MAP1B: variants seen among roughly 807,000 people sequenced by gnomAD.
MAP1B encodes the protein microtubule associated protein 1B.
MAP1B carries 12 observed loss-of-function variants against 176.1 expected under a neutral mutation model. The ratio of observed to expected loss-of-function variants is 0.07; its 90% CI spans 0.04 to 0.11. The LOEUF (loss-of-function observed/expected upper bound fraction) is 0.11, where lower values mean the gene tolerates loss of function less well. MAP1B is among the 10% of genes least tolerant of loss of function. The probability of loss-of-function intolerance (pLI) is 1.00; values close to 1 mark genes in which losing one functional copy is unlikely to be tolerated. For synonymous variants in MAP1B, 1,044 were observed against 1,135.0 expected (o/e 0.92, Z 1.61); for missense variants, 2,523 against 2,990.5 (o/e 0.84, Z 3.65).
chr5:72,108,743 G>A lies in MAP1B; in HGVS notation c.184+1028G>A, dbSNP rs1392860092. ...CTGGCTGGGCTTGCGCTCCGCCCGGGCCTCGGGCTGGCGGGGGCCGCGCGC... is the reference window on the plus strand; with the variant it reads ...CTGGCTGGGCTTGCGCTCCGCCCGGACCTCGGGCTGGCGGGGGCCGCGCGC... On this transcript the variant is annotated intron_variant, in intron 1 of 6. Transcript: ENST00000296755. Among the ~76,000 whole-genome samples, 4 of 152,196 alleles carry A rather than the reference G, an allele frequency of 2.6e-5. 1 individual carries two copies. The highest frequency in any genetic ancestry group is 6.5e-5 in the Admixed American group (1 of 15,292).
chr5:72,137,194 C>G (rs1034306668), intron 2 of MAP1B, among the ~76,000 whole-genome samples: 1 of 152,170 alleles, frequency 6.6e-6, no homozygotes, highest in Admixed American at 6.5e-5. Context: ...GCATGTCAGA[C>G]CATTTGCTGA....
chr5:72,185,642 T>C (rs1746881437), intron 3 of MAP1B, among the ~76,000 whole-genome samples: 1 of 150,948 alleles, frequency 6.6e-6, no homozygotes, highest in Non-Finnish European at 1.5e-5. Flanking sequence ...AATTAATATA[T>C]GTCCAGGCAA....
chr5:72,130,879 T>G (rs1745719315), intron 2 of MAP1B, among the ~76,000 whole-genome samples: 1 of 152,330 alleles, frequency 6.6e-6, no homozygotes, highest in East Asian at 1.9e-4. Context: ...AAAAAATAGT[T>G]TACATATAAA....
intron 2 of MAP1B, among the ~76,000 whole-genome samples, chr5:72,140,345 C>T (rs1745924202): frequency 6.6e-6 from 1 of 152,162 alleles, no homozygotes; most frequent in African/African-American, 2.4e-5. Context: ...AAAAGTTTAA[C>T]AAAACAATGC....
At chr5:72,148,751 C>T (rs1746090671) in intron 2 of MAP1B, among the ~76,000 whole-genome samples, 1 of 152,244 alleles carries the variant, frequency 6.6e-6, no homozygotes, top group African/African-American at 2.4e-5. Flanking sequence ...CTCTTTAATG[C>T]TCTTCGAAAT....
intron 1 of MAP1B, among the ~76,000 whole-genome samples, chr5:72,110,154 A>G (rs1168281577): frequency 6.6e-6 from 1 of 152,214 alleles, no homozygotes; most frequent in Non-Finnish European, 1.5e-5. Flanking sequence ...TTTTCACAAA[A>G]CGGACACGCC....
intron 2 of MAP1B, among the ~76,000 whole-genome samples, chr5:72,142,924 A>C (rs561354781): frequency 5.3e-5 from 8 of 152,184 alleles, no homozygotes; most frequent in African/African-American, 1.9e-4. Context: ...AAGTCAAGAT[A>C]TAATCATTCT....
In MAP1B at chr5:72,199,877, C is replaced by T. The variant is rs557929033; in HGVS notation, c.6522C>T (p.Ala2174=). Residue 2174 remains alanine, a synonymous_variant, in exon 5 of 7, where the codon GCC becomes GCT. Transcript: ENST00000296755. This position sits in a 1 kb window ranked among gnomAD's most constrained non-coding sequence, Gnocchi z 4.2. ...PETEECPSIT[A]DANIDSEDES... is the part of the protein sequence containing the mutation. ...CTGAAGAGTGCCCCTCCATCACGGC[C>T]GATGCCAATATCGACTCTGAAGACG... 8.1e-6 allele frequency: 13 copies of T among 1,614,152 alleles called. No homozygotes were observed. In the South Asian group the frequency reaches 9.9e-5, roughly 12 times the overall value.
At chr5:72,145,795 A>G (rs1746034487) in intron 2 of MAP1B, among the ~76,000 whole-genome samples, 1 of 152,188 alleles carries the variant, frequency 6.6e-6, no homozygotes, top group Non-Finnish European at 1.5e-5. Flanking sequence ...CTTGCTCTAG[A>G]TCTCAGTTTA....
At chr5:72,111,781 AGTT>A (rs1261960122) in intron 1 of MAP1B, among the ~76,000 whole-genome samples, 2 of 152,180 alleles carry the variant, frequency 1.3e-5, no homozygotes, top group Non-Finnish European at 2.9e-5. Flanking sequence ...TAAAAAAATA[AGTT>A]ATAACTTTTT....
chr5:72,182,667 G>T (rs1212595005), intron 2 of MAP1B, among the ~76,000 whole-genome samples: 3 of 152,160 alleles, frequency 2.0e-5, no homozygotes, highest in African/African-American at 7.2e-5. Context: ...GTTGCTTTTG[G>T]TCATTCTCTC....
chr5:72,178,823 T>G (rs1448337100), intron 2 of MAP1B, among the ~76,000 whole-genome samples: 1 of 144,106 alleles, frequency 6.9e-6, no homozygotes, highest in Non-Finnish European at 1.5e-5. Context: ...TCCTAGAAAT[T>G]TACATACATA....
chr5:72,194,006 T>C lies in MAP1B; in HGVS notation c.651T>C (p.Ala217=). 5 of 1,614,204 alleles carry C rather than the reference T, an allele frequency of 3.1e-6. No homozygotes were observed. The highest frequency in any genetic ancestry group is 4.2e-6 in the Non-Finnish European group (5 of 1,180,042). Residue 217 remains alanine, a synonymous_variant, in exon 5 of 7, where the codon GCT becomes GCC. Transcript: ENST00000296755. This position sits in a 1 kb window ranked among gnomAD's most constrained non-coding sequence, Gnocchi z 7.2. ...TCATCAATATTAAACTCAATTCAGCTTCTATCTTGCCAGAAATGGAAGGAC... is the reference window on the plus strand; with the variant it reads ...TCATCAATATTAAACTCAATTCAGCCTCTATCTTGCCAGAAATGGAAGGAC... The part of the protein sequence containing the change: ...QDFINIKLNS[A]SILPEMEGLS...
chr5:72,177,211 T>C (rs1482542591), intron 2 of MAP1B, among the ~76,000 whole-genome samples: 2 of 152,194 alleles, frequency 1.3e-5, no homozygotes. Context: ...TCTGTTAGGC[T>C]GGGTTGCCTC....
rs755762844 is a variant in MAP1B, at chr5:72,198,315, CCTG to C, written c.4961_4963del (p.Pro1654_Glu1655delinsGln). 3.7e-6 allele frequency: 6 copies of C among 1,614,084 alleles called. No individual in the cohort carries two copies. The South Asian group carries it at 6.6e-5, about 18-fold the overall frequency. On this transcript the variant is annotated inframe_deletion, in exon 5 of 7. Coordinates refer to ENST00000296755, the MANE Select transcript of MAP1B (RefSeq NM_005909.5). ...GTCTATTGAATTTGGCCAAGAATCT[CCTG>C]AGCAATCCCTTGCTATGGACTTCAG...
At chr5:72,183,472 G>T (rs577767691) in intron 2 of MAP1B, among the ~76,000 whole-genome samples, 1 of 152,240 alleles carries the variant, frequency 6.6e-6, no homozygotes, top group East Asian at 1.9e-4. Context: ...ATTACCGCAA[G>T]GAGGCTGCCT....
chr5:72,151,552 A>G (rs991602578), intron 2 of MAP1B, among the ~76,000 whole-genome samples: 1 of 152,250 alleles, frequency 6.6e-6, no homozygotes. Flanking sequence ...ATGGTCAAAG[A>G]TGAACAAGGA....
Position 72,203,711 on chromosome 5 carries a change from G to A in MAP1B, c.7161G>A (p.Val2387=). 1 of 1,613,984 alleles carries A rather than the reference G, an allele frequency of 6.2e-7. No individual in the cohort carries two copies. ...GAGTGCGGTCTTCCTACTACGTGGTGAGTGGGAATGACCCTGCTGCTGAGG... is the reference window on the plus strand; with the variant it reads ...GAGTGCGGTCTTCCTACTACGTGGTAAGTGGGAATGACCCTGCTGCTGAGG... ...FKRVRSSYYV[V]SGNDPAAEEP... is the part of the protein sequence containing the mutation. Residue 2387 remains valine, a synonymous_variant, in exon 6 of 7, where the codon GTG becomes GTA. Coordinates refer to ENST00000296755, the MANE Select transcript of MAP1B (RefSeq NM_005909.5).
Position 72,186,774 on chromosome 5 carries a change from T to C in MAP1B, c.510+20T>C. On this transcript the variant is annotated intron_variant, in intron 4 of 6. Coordinates refer to ENST00000296755, the MANE Select transcript of MAP1B (RefSeq NM_005909.5). This position sits in a 1 kb window ranked among gnomAD's most constrained non-coding sequence, Gnocchi z 4.3. ...CAAGAGGTAGGTTCGTGTCTGAGAA[T>C]ATCTGTGCTTCTAGTGGCTTGGTTG... 1.2e-6 allele frequency: 2 copies of C among 1,613,424 alleles called. No individual in the cohort carries two copies. Among genetic ancestry groups the C allele is most frequent in the Non-Finnish European group, 1.7e-6 (2 of 1,179,874 alleles).
Sources: gnomAD v4.1 joint callset for allele counts (sites outside exome capture counted in the v4.1 genomes callset) on GRCh38, gnomAD v4.1.1 for gene constraint, Gnocchi (gnomAD v3.1) non-coding constraint, MANE v1.5 for transcripts, NCBI Gene and HGNC (gene_info 2026-07-23, HGNC 2026-07-21) for gene names.